The following CSTPP1 variants were observed in gnomAD, a reference collection of about 807,000 sequenced individuals.
CSTPP1 encodes the protein UPF0705 protein C11orf49.
At chr11:46,999,207 A>G in the CSTPP1 span, among the ~76,000 whole-genome samples, 8 of 151,642 alleles carry the variant, frequency 5.3e-5, no homozygotes, top group East Asian at 1.5e-3. Context: ...TGGGTTTAAT[A>G]AAGCCTTACA....
chr11:47,028,671 G>A, the CSTPP1 span, among the ~76,000 whole-genome samples: 1 of 152,282 alleles, frequency 6.6e-6, no homozygotes, highest in East Asian at 1.9e-4. Flanking sequence ...TTGCCTCACT[G>A]ATTTCTCTTA....
the CSTPP1 span, chr11:47,157,216 C>T: frequency 6.3e-6 from 10 of 1,575,174 alleles, no homozygotes; most frequent in Middle Eastern, 1.8e-4. Context: ...GGCACAAGTA[C>T]AGGTGAGGAA....
At chr11:46,968,402 A>C in the CSTPP1 span, among the ~76,000 whole-genome samples, 2 of 146,998 alleles carry the variant, frequency 1.4e-5, no homozygotes, top group Non-Finnish European at 3.0e-5. Flanking sequence ...TTTAAATAAT[A>C]TATTTAATAT....
At chr11:47,049,898 G>A in the CSTPP1 span, among the ~76,000 whole-genome samples, 2 of 151,836 alleles carry the variant, frequency 1.3e-5, no homozygotes, top group Non-Finnish European at 2.9e-5. Flanking sequence ...CACAATAGAA[G>A]GTGGGAAAAG....
At chr11:47,109,331 G>A in the CSTPP1 span, 1 of 151,998 alleles carries the variant, frequency 6.6e-6, no homozygotes, top group Non-Finnish European at 1.5e-5. Flanking sequence ...GAAAATGAGG[G>A]ACAGAGCTCA....
chr11:47,122,089 AAAATATATAT>A, the CSTPP1 span, among the ~76,000 whole-genome samples: 3 of 61,776 alleles, frequency 4.9e-5, no homozygotes, highest in African/African-American at 1.6e-4. Context: ...AAAAAAAAAA[AAAATATATAT>A]ATATATATAT....
chr11:47,036,272 T>A, the CSTPP1 span, among the ~76,000 whole-genome samples: 2 of 71,210 alleles, frequency 2.8e-5, 1 homozygote, highest in South Asian at 7.6e-4. Context: ...AATATATATA[T>A]TATATATTAT....
chr11:47,138,815 TAA>T, the CSTPP1 span, among the ~76,000 whole-genome samples: 1 of 151,768 alleles, frequency 6.6e-6, no homozygotes, highest in Non-Finnish European at 1.5e-5. Context: ...CCATCTCTAC[TAA>T]AAATACAAAA....
the CSTPP1 span, among the ~76,000 whole-genome samples, chr11:47,031,246 C>T: frequency 1.3e-5 from 2 of 152,268 alleles, no homozygotes; most frequent in Admixed American, 1.3e-4. Flanking sequence ...TTCTGTATGA[C>T]TTTTTCTGTG....
the CSTPP1 span, among the ~76,000 whole-genome samples, chr11:47,002,127 A>C: frequency 6.6e-6 from 1 of 151,300 alleles, no homozygotes; most frequent in Non-Finnish European, 1.5e-5. Flanking sequence ...GCTGTTAAAC[A>C]TTGTAACAGA....
the CSTPP1 span, among the ~76,000 whole-genome samples, chr11:47,112,564 C>T: frequency 1.1e-4 from 17 of 152,158 alleles, no homozygotes; most frequent in African/African-American, 2.4e-5. Context: ...TCAAGTGATC[C>T]GCCTGCCTTG....
the CSTPP1 span, among the ~76,000 whole-genome samples, chr11:46,948,514 G>C: frequency 4.6e-5 from 7 of 151,704 alleles, no homozygotes; most frequent in Admixed American, 3.9e-4. Flanking sequence ...GGAAGGCTGC[G>C]TAAGAAGTGC....
chr11:46,980,304 A>G, the CSTPP1 span, among the ~76,000 whole-genome samples: 2 of 152,172 alleles, frequency 1.3e-5, no homozygotes, highest in Non-Finnish European at 2.9e-5. Flanking sequence ...TGATGTTAGC[A>G]TATGTGTAAT....
the CSTPP1 span, among the ~76,000 whole-genome samples, chr11:47,097,720 C>T: frequency 1.4e-5 from 1 of 71,630 alleles, no homozygotes. Context: ...CCGCCCCGTC[C>T]GGGAGGTGAG....
At chr11:47,060,104 G>GAA in the CSTPP1 span, among the ~76,000 whole-genome samples, 3 of 70,302 alleles carry the variant, frequency 4.3e-5, no homozygotes, top group Admixed American at 1.8e-4. Context: ...ACTCTGTCTC[G>GAA]AAAAAAAAAA....
the CSTPP1 span, among the ~76,000 whole-genome samples, chr11:47,066,604 A>G: frequency 0.018 from 2,694 of 152,332 alleles, 32 homozygotes; most frequent in Non-Finnish European, 0.029. Flanking sequence ...ATTATTATCA[A>G]ATACAAATTT....
chr11:47,161,463 G>A, the CSTPP1 span: 1 of 1,613,726 alleles, frequency 6.2e-7, no homozygotes, highest in Admixed American at 1.7e-5. Context: ...CCCTTCTTCA[G>A]GCTGGCCCAG....
At chr11:46,993,558 G>C in the CSTPP1 span, among the ~76,000 whole-genome samples, 7 of 151,868 alleles carry the variant, frequency 4.6e-5, no homozygotes, top group South Asian at 1.5e-3. Flanking sequence ...TCTTGTTTTT[G>C]TCAGGTTTGT....
chr11:46,996,826 CT>C, the CSTPP1 span, among the ~76,000 whole-genome samples: 1 of 152,126 alleles, frequency 6.6e-6, no homozygotes, highest in South Asian at 2.1e-4. Context: ...CTTAGTTTGA[CT>C]GGGTATGAAA....
Sources: allele counts gnomAD v4.1 joint callset (sites outside exome capture counted in the v4.1 genomes callset), GRCh38; gene constraint gnomAD v4.1.1; transcripts MANE v1.5; gene names NCBI Gene and HGNC (gene_info 2026-07-23, HGNC 2026-07-21).